The following LRIG2 variants were observed in gnomAD, a reference collection of about 807,000 sequenced individuals.
LRIG2 encodes the protein leucine rich repeats and immunoglobulin like domains 2, also known as leucine-rich repeats and immunoglobulin-like domains protein 2.
A neutral mutation model predicts 107.8 loss-of-function variants in LRIG2; 93 were observed. The observed-to-expected ratio is 0.86, with a 90% CI of 0.73 to 1.03. The LOEUF (loss-of-function observed/expected upper bound fraction) is 1.03. LRIG2 is among the 50% of genes least tolerant of loss of function. The pLI, the probability that LRIG2 is intolerant of heterozygous loss-of-function variation, is 0.00. For synonymous variants in LRIG2, 471 were observed against 470.6 expected, an observed-to-expected ratio of 1.00 and a Z score of -0.01; for missense variants, 1,226 against 1,296.0, an observed-to-expected ratio of 0.95 and a Z score of 0.83.
intron 12 of LRIG2, among the ~76,000 whole-genome samples, chr1:113,109,422 C>T (rs1199651252): frequency 6.6e-6 from 1 of 152,190 alleles, no homozygotes; most frequent in Non-Finnish European, 1.5e-5. Flanking sequence ...ATACAAAATG[C>T]TTTCAAATAA....
chr1:113,096,620 A>G (rs765287067), intron 8 of LRIG2, among the ~76,000 whole-genome samples: 3 of 152,174 alleles, frequency 2.0e-5, no homozygotes, highest in Non-Finnish European at 2.9e-5. Flanking sequence ...TTATTGTGTT[A>G]GTTGCTGTGG....
intron 1 of LRIG2, among the ~76,000 whole-genome samples, chr1:113,083,079 T>G (rs1345466573): frequency 2.6e-5 from 4 of 151,636 alleles, no homozygotes; most frequent in Non-Finnish European, 2.9e-5. Flanking sequence ...CTGGCTAATT[T>G]TGTGTAGATT....
chr1:113,087,641 G>T (rs926474397), intron 1 of LRIG2, among the ~76,000 whole-genome samples: 1 of 152,160 alleles, frequency 6.6e-6, no homozygotes, highest in African/African-American at 2.4e-5. Flanking sequence ...GAGCCACTGC[G>T]CCTGGCCCCG....
At chr1:113,119,159 T>C (rs1257164540) in intron 16 of LRIG2, 74 bp from the exon 17 acceptor site, 14 of 1,433,360 alleles carry the variant, frequency 9.8e-6, no homozygotes, top group Non-Finnish European at 1.2e-5. Flanking sequence ...ATGACAACTT[T>C]TGAAGAAAAC....
At chr1:113,096,839 C>T (rs1157833668) in intron 8 of LRIG2, among the ~76,000 whole-genome samples, 4 of 152,138 alleles carry the variant, frequency 2.6e-5, no homozygotes, top group African/African-American at 9.7e-5. Context: ...GTGCCAGGTA[C>T]TTTCAAATAC....
chr1:113,099,362 A>C (rs1654211981), intron 9 of LRIG2, among the ~76,000 whole-genome samples: 1 of 148,534 alleles, frequency 6.7e-6, no homozygotes, highest in Non-Finnish European at 1.5e-5. Flanking sequence ...TTGGCCTCCT[A>C]AGGAGCTAGG....
Position 113,073,382 on chromosome 1 carries a change from G to A in LRIG2, c.-25G>A. The A allele has an allele frequency of 6.3e-7, 1 of 1,594,042 alleles. No individual in the cohort carries two copies. The highest frequency in any genetic ancestry group is 8.6e-7 in the Non-Finnish European group (1 of 1,163,212). On this transcript the variant is annotated 5_prime_UTR_variant, in exon 1 of 18. Coordinates refer to ENST00000361127, the MANE Select transcript of LRIG2 (RefSeq NM_014813.3). ...CCTTTTCTAGCAGGCAGCTCTTCTA[G>A]GCCACGTCCAGGTCGAGGGGGAAAA...
intron 12 of LRIG2, among the ~76,000 whole-genome samples, chr1:113,108,766 T>A (rs1385042909): frequency 2.0e-5 from 3 of 151,812 alleles, no homozygotes; most frequent in African/African-American, 7.3e-5. Flanking sequence ...AATCCCAGCT[T>A]CTCTGGAGGC....
At position 113,113,386 on chromosome 1, in the gene LRIG2, A is replaced by G. The variant is rs942142106; in HGVS notation, c.2080+626A>G. On this transcript the variant is annotated intron_variant, in intron 14 of 17. Transcript: ENST00000361127. ...GTTTTGTTTTTTCTTCCTTATTACA[A>G]TACTTTTCTTCGTGGAACTCAAATC... 3.3e-5 allele frequency among the ~76,000 whole-genome samples: 5 copies of G among 151,060 alleles called. No individual in the cohort carries two copies. The South Asian group carries it at 8.3e-4, about 25-fold the overall frequency.
Position 113,073,617 on chromosome 1 carries a change from G to T in LRIG2, c.211G>T (p.Gly71Cys). The T allele has an allele frequency of 6.2e-7, 1 of 1,613,274 alleles. No homozygotes were observed. Among genetic ancestry groups the T allele is most frequent in the Non-Finnish European group, 8.5e-7 (1 of 1,179,978 alleles). ...LPAPSWRALSGLLPPDTAILD... is the reference protein window; with the variant it reads ...LPAPSWRALSCLLPPDTAILD... ...CGCACCGAGCTGGAGGGCGCTGTCG[G>T]GCTTGCTGCCCCCCGACACCGCTAT... The change falls in exon 1 of 18, where the codon GGC (glycine) becomes TGC (cysteine). Residue 71 changes from glycine to cysteine, a missense_variant. Physicochemically the swap from Gly to Cys is radical, Grantham distance 159. Around this residue, in one of 3 missense-constraint regions of LRIG2, gnomAD observed 570 missense variants for 550.2 expected, o/e 1.04. Coordinates refer to ENST00000361127, the MANE Select transcript of LRIG2 (RefSeq NM_014813.3).
intron 17 of LRIG2, among the ~76,000 whole-genome samples, chr1:113,120,458 T>G (rs1364694009): frequency 6.6e-6 from 1 of 151,038 alleles, no homozygotes; most frequent in Non-Finnish European, 1.5e-5. Context: ...CAAAAAATAG[T>G]AATAATAAAA....
intron 1 of LRIG2, among the ~76,000 whole-genome samples, chr1:113,090,123 T>A (rs1653737467): frequency 6.6e-6 from 1 of 152,110 alleles, no homozygotes. Context: ...GCATAATACA[T>A]AATCACTACA....
chr1:113,075,725 C>T (rs374199079), intron 1 of LRIG2, among the ~76,000 whole-genome samples: 23 of 133,166 alleles, frequency 1.7e-4, no homozygotes, highest in South Asian at 4.8e-4. Flanking sequence ...GATGGAGTCG[C>T]GCTCTTGTTG....
chr1:113,116,397 A>G lies in LRIG2; in HGVS notation c.2641A>G (p.Met881Val), dbSNP rs770414343. Residue 881 changes from methionine to valine, a missense_variant, in exon 16 of 18, where the codon ATG becomes GTG. Physicochemically the swap from Met to Val is conservative, Grantham distance 21. Coordinates refer to ENST00000361127, the MANE Select transcript of LRIG2 (RefSeq NM_014813.3). The stretch of plus-strand genomic sequence containing the variant: ...TGAGGCAGGCAGTCATCAGCAACTT[A>G]TGCCTCCTGCCAATGGATATATACA... Reference protein sequence around the residue: ...NSEAGSHQQLMPPANGYIHKG... With the variant: ...NSEAGSHQQLVPPANGYIHKG... 6 of 1,613,600 alleles carry G rather than the reference A, an allele frequency of 3.7e-6. No individual in the cohort carries two copies. The highest frequency in any genetic ancestry group is 2.2e-5 in the South Asian group (2 of 90,968).
In LRIG2 at chr1:113,073,401, G is replaced by C; in HGVS notation, c.-6G>C. 6.2e-7 allele frequency: 1 copy of C among 1,612,482 alleles called. No individual in the cohort carries two copies. The highest frequency in any genetic ancestry group is 8.5e-7 in the Non-Finnish European group (1 of 1,178,752). ...CTTCTAGGCCACGTCCAGGTCGAGG[G>C]GGAAAATGGCGCCGGCGCCCCTAGG... On this transcript the variant is annotated 5_prime_UTR_variant, in exon 1 of 18. Transcript: ENST00000361127.
Position 113,100,228 on chromosome 1 carries a change from A to T in LRIG2, c.1190A>T (p.Gln397Leu). The T allele has an allele frequency of 6.3e-7, 1 of 1,582,018 alleles. No individual in the cohort carries two copies. Among genetic ancestry groups the T allele is most frequent in the Non-Finnish European group, 8.6e-7 (1 of 1,157,042 alleles). The change falls in exon 10 of 18, where the codon CAG becomes CTG. Residue 397 changes from glutamine (Q) to leucine (L), a missense_variant. Transcript: ENST00000361127. ...SLTKLILQGN[Q>L]IKSITKKAFI... is the part of the protein sequence containing the mutation. ...TATTTCAGAATCTTACAAGGAAACC[A>T]GATTAAGTCAATTACAAAGAAAGCA...
intron 9 of LRIG2, among the ~76,000 whole-genome samples, chr1:113,099,244 C>CTTTTTCTTT (rs1553228728): frequency 1.7e-5 from 2 of 117,944 alleles, no homozygotes; most frequent in African/African-American, 3.2e-5. Context: ...TGGTTTTTTT[C>CTTTTTCTTT]TTTTTTTTTT....
In LRIG2 at chr1:113,073,611, C is replaced by A; in HGVS notation, c.205C>A (p.Leu69Met). Residue 69 changes from leucine to methionine, a missense_variant, in exon 1 of 18, where the codon CTG becomes ATG. Physicochemically the swap from Leu to Met is conservative, Grantham distance 15 (BLOSUM62 2). This residue lies in a region of LRIG2 where 570 missense variants were observed against 550.2 expected (regional missense o/e 1.04). Transcript: ENST00000361127. ...ATTGCCCGCACCGAGCTGGAGGGCG[C>A]TGTCGGGCTTGCTGCCCCCCGACAC... Reference protein sequence around the residue: ...RKLPAPSWRALSGLLPPDTAI... With the variant: ...RKLPAPSWRAMSGLLPPDTAI... 2.5e-6 allele frequency: 4 copies of A among 1,613,550 alleles called. No homozygotes were observed. The highest frequency in any genetic ancestry group is 3.4e-6 in the Non-Finnish European group (4 of 1,180,010).
chr1:113,075,090 G>C (rs530740886), intron 1 of LRIG2, among the ~76,000 whole-genome samples: 1 of 151,616 alleles, frequency 6.6e-6, no homozygotes, highest in African/African-American at 2.4e-5. Flanking sequence ...GGTGGCGCGT[G>C]CCTGTAATAC....
Sources: gnomAD v4.1 joint callset for allele counts (sites outside exome capture counted in the v4.1 genomes callset) on GRCh38, gnomAD v4.1.1 for gene constraint, gnomAD v4.1.1 regional missense constraint, MANE v1.5 for transcripts, NCBI Gene and HGNC (gene_info 2026-07-23, HGNC 2026-07-21) for gene names.